HK2: variants seen among roughly 807,000 people sequenced by gnomAD.
HK2 encodes hexokinase 2.
In HK2, 42 loss-of-function variants were observed where a neutral mutation model predicts 92.9. That is an observed-to-expected ratio of 0.45 (90% CI 0.35 to 0.58). The LOEUF is 0.58. Among genes scored for constraint, HK2 ranks in the 20% least tolerant of loss-of-function variants. The pLI is 0.00. For missense variants in HK2, 978 were observed against 1,245.1 expected (o/e 0.79, Z 3.23); for synonymous variants, 422 against 468.0 (o/e 0.90, Z 1.27).
chr2:74,870,484 T>C (rs1403388658), intron 3 of HK2, among the ~76,000 whole-genome samples: 2 of 151,436 alleles, frequency 1.3e-5, no homozygotes, highest in African/African-American at 4.9e-5. Flanking sequence ...ATTTTGCTTT[T>C]CCCCCTTCTA....
intron 13 of HK2, 127 bp downstream of exon 13, chr2:74,885,716 T>G: frequency 1.4e-6 from 1 of 734,632 alleles, no homozygotes; most frequent in East Asian, 2.7e-5. Flanking sequence ...AACTCAAGCG[T>G]CGTTCAGCAG....
intron 1 of HK2, among the ~76,000 whole-genome samples, chr2:74,851,358 CTGTCATTGAACA>C (rs975447675): frequency 3.9e-5 from 6 of 152,254 alleles, no homozygotes. Context: ...CTGTTTTCAT[CTGTCATTGAACA>C]TGTGGAAGAT....
chr2:74,834,740 C>G lies in HK2; in HGVS notation c.63+97C>G, dbSNP rs572886561. 4 of 1,390,772 alleles carry G rather than the reference C, an allele frequency of 2.9e-6. No individual in the cohort carries two copies. The highest frequency in any genetic ancestry group is 4.1e-6 in the Non-Finnish European group (4 of 979,556). 86.2% of individuals were successfully genotyped at this position (1,390,772 alleles called of 1,614,324 possible). On this transcript the variant is annotated intron_variant, in intron 1 of 17. Transcript: ENST00000290573. The surrounding 1 kb of genome is among the most constrained non-coding windows in gnomAD (Gnocchi z 4.2). ...GACCCTGCGGGGACCCGCTTCCTCC[C>G]TACTCCGGGCCTGGGAGCGGAAAAA...
rs1306502176 is a variant in HK2, at chr2:74,878,865, G to A, written c.1209G>A (p.Glu403=). 3 of 1,552,490 alleles carry A rather than the reference G, an allele frequency of 1.9e-6. No homozygotes were observed. Among genetic ancestry groups the A allele is most frequent in the Non-Finnish European group, 2.6e-6 (3 of 1,147,542 alleles). The change falls in exon 9 of 18, where the codon GAG becomes GAA. Residue 403 remains glutamate (E), a synonymous_variant. Coordinates refer to ENST00000290573, the MANE Select transcript of HK2 (RefSeq NM_000189.5). Reference sequence around the variant, plus strand: ...AGCGCATCAAGGAGAACAAAGGCGAGGAGCGGCTGCGCTCTACTATTGGGG... The same window carrying A: ...AGCGCATCAAGGAGAACAAAGGCGAAGAGCGGCTGCGCTCTACTATTGGGG... The part of the protein sequence containing the change: ...VLQRIKENKG[E]ERLRSTIGVD...
At chr2:74,868,098 G>A (rs1558797552) in intron 3 of HK2, among the ~76,000 whole-genome samples, 1 of 152,178 alleles carries the variant, frequency 6.6e-6, no homozygotes, top group African/African-American at 2.4e-5. Context: ...TTCGTGGTCG[G>A]CTGTTCCCTC....
intron 3 of HK2, among the ~76,000 whole-genome samples, chr2:74,868,953 A>G (rs1689029397): frequency 6.6e-6 from 1 of 152,240 alleles, no homozygotes; most frequent in African/African-American, 2.4e-5. Flanking sequence ...GGCAAGGACA[A>G]TGAAGTGCGT....
In HK2 at chr2:74,834,852, C is replaced by G. The variant is rs939404976; in HGVS notation, c.63+209C>G. ...GTGCGCGCGGGCGGGGAGCCGAGGT[C>G]GCGCTCCGCCGGGCGCCCTCCCTCC... is the stretch of plus-strand genomic sequence containing the variant. On this transcript the variant is annotated intron_variant, in intron 1 of 17. Transcript: ENST00000290573. The surrounding 1 kb of genome is among the most constrained non-coding windows in gnomAD (Gnocchi z 4.2). Among the ~76,000 whole-genome samples, 4 of 151,532 alleles carry G rather than the reference C, an allele frequency of 2.6e-5. No individual in the cohort carries two copies. Among genetic ancestry groups the G allele is most frequent in the Non-Finnish European group, 5.9e-5 (4 of 67,564 alleles).
At chr2:74,865,389 C>T (rs1323082720) in intron 2 of HK2, among the ~76,000 whole-genome samples, 1 of 152,110 alleles carries the variant, frequency 6.6e-6, no homozygotes, top group Non-Finnish European at 1.5e-5. Context: ...GATGACCCAC[C>T]AGGGGCAGCC....
chr2:74,885,090 G>GCA, intron 12 of HK2, among the ~76,000 whole-genome samples: 1 of 152,230 alleles, frequency 6.6e-6, no homozygotes, highest in Non-Finnish European at 1.5e-5. Context: ...AAGTTGCACA[G>GCA]CAGGGTCAGC....
rs779182431 is a variant in HK2 at position 74,892,418 on chromosome 2, C to G, written c.*1477C>G. ...TGTCCATGTGCTTCCCTAGGCTGAG[C>G]TGGCATTGGTCTGCTGACCTGTTTT... On this transcript the variant is annotated 3_prime_UTR_variant, in exon 18 of 18. Transcript: ENST00000290573. 2 of 152,182 alleles carry G rather than the reference C, an allele frequency of 1.3e-5. No homozygotes were observed. The highest frequency in any genetic ancestry group is 2.9e-5 in the Non-Finnish European group (2 of 68,030). The allele number at this position is 152,182 out of a possible 1,614,324, so 9.4% of individuals were successfully genotyped here.
intron 15 of HK2, among the ~76,000 whole-genome samples, 156 bp from the exon 16 acceptor site, chr2:74,887,747 C>A (rs985660721): frequency 3.9e-5 from 6 of 152,104 alleles, no homozygotes; most frequent in African/African-American, 1.4e-4. Context: ...ACCAGGGATC[C>A]TGCCCAAGTG....
intron 8 of HK2, 136 bp downstream of exon 8, chr2:74,877,457 G>A: frequency 1.0e-6 from 1 of 974,578 alleles, no homozygotes; most frequent in Non-Finnish European, 1.6e-6. Context: ...CGTGGACCAT[G>A]GCGGGCCTGT....
intron 2 of HK2, among the ~76,000 whole-genome samples, chr2:74,862,678 T>TA (rs1225129874): frequency 6.6e-6 from 1 of 152,216 alleles, no homozygotes; most frequent in East Asian, 1.9e-4. Context: ...TTGGGGTACT[T>TA]ACGTAGTCCA....
In HK2 at chr2:74,834,253, T is replaced by A. The variant is rs1688091146; in HGVS notation, c.-328T>A. The A allele has an allele frequency of 2.3e-6, 1 of 437,298 alleles. No homozygotes were observed. The highest frequency in any genetic ancestry group is 2.0e-5 in the African/African-American group (1 of 49,424). 27.1% of individuals were successfully genotyped at this position (437,298 alleles called of 1,614,324 possible). ...AATCGGAGAGGTCCCACTGCCCGAG[T>A]GGAGCCGGGCTGAGATTCTTCTCAA... On this transcript the variant is annotated 5_prime_UTR_variant, in exon 1 of 18. Coordinates refer to ENST00000290573, the MANE Select transcript of HK2 (RefSeq NM_000189.5). This position sits in a 1 kb window ranked among gnomAD's most constrained non-coding sequence, Gnocchi z 4.2.
intron 2 of HK2, among the ~76,000 whole-genome samples, chr2:74,861,149 C>T (rs1044886599): frequency 3.9e-5 from 6 of 152,004 alleles, no homozygotes; most frequent in East Asian, 1.9e-4. Context: ...ATGCAGGGGT[C>T]GGGCACGGTG....
At position 74,891,630 on chromosome 2, in the gene HK2, A is replaced by G. The variant is rs1483886657; in HGVS notation, c.*689A>G. The G allele has an allele frequency of 1.3e-5, 2 of 152,262 alleles. No homozygotes were observed. Among genetic ancestry groups the G allele is most frequent in the African/African-American group, 2.4e-5 (1 of 41,456 alleles). 9.4% of individuals were successfully genotyped at this position (152,262 alleles called of 1,614,324 possible). ...GCTGTCGCATCTCAGCGGGGCGCAC[A>G]TGTTATCCACAAGCAATGGACCTTT... On this transcript the variant is annotated 3_prime_UTR_variant, in exon 18 of 18. Transcript: ENST00000290573.
At chr2:74,853,875 G>A (rs1215182315) in intron 1 of HK2, among the ~76,000 whole-genome samples, 2 of 152,172 alleles carry the variant, frequency 1.3e-5, no homozygotes, top group African/African-American at 2.4e-5. Flanking sequence ...GTAGGCGTCC[G>A]GGAAAAAGGT....
In HK2 at chr2:74,846,775, G is replaced by A. The variant is rs115222084; in HGVS notation, c.64-7518G>A. On this transcript the variant is annotated intron_variant, in intron 1 of 17. Coordinates refer to ENST00000290573, the MANE Select transcript of HK2 (RefSeq NM_000189.5). ...CTTCAAATGATCCTCCTCAGCCAAA[G>A]TATTAGGATTACTGGTGTGAGCCAC... Among the ~76,000 whole-genome samples, 465 of 152,290 alleles carry A rather than the reference G, an allele frequency of 3.1e-3. 3 individuals carry two copies. The highest frequency in any genetic ancestry group is 5.2e-3 in the Non-Finnish European group (351 of 68,012).
intron 12 of HK2, among the ~76,000 whole-genome samples, chr2:74,882,605 T>TTTTATATATATATATATATATA (rs1553449959): frequency 2.6e-5 from 2 of 75,660 alleles, no homozygotes; most frequent in Non-Finnish European, 6.1e-5. Context: ...TCTATTGAAC[T>TTTTATATATATATATATATATA]TATATATATA....
Sources: allele counts gnomAD v4.1 joint callset (sites outside exome capture counted in the v4.1 genomes callset), GRCh38; gene constraint gnomAD v4.1.1; non-coding constraint Gnocchi (gnomAD v3.1); transcripts MANE v1.5; gene names NCBI Gene and HGNC (gene_info 2026-07-23, HGNC 2026-07-21).